CDKAL1: variants seen among roughly 807,000 people sequenced by gnomAD.
The protein encoded by CDKAL1 is CDKAL1 threonylcarbamoyladenosine tRNA methylthiotransferase.
CDKAL1 carries 32 observed loss-of-function variants against 68.2 expected under a neutral mutation model. That is an observed-to-expected ratio of 0.47 (90% CI 0.35 to 0.63). CDKAL1 has a LOEUF of 0.63. Among genes scored for constraint, CDKAL1 ranks in the 30% least tolerant of loss-of-function variants. The pLI, the probability that CDKAL1 is intolerant of heterozygous loss-of-function variation, is 0.00. For synonymous variants in CDKAL1, 234 were observed against 244.3 expected, an observed-to-expected ratio of 0.96 and a Z score of 0.39; for missense variants, 606 against 696.7, an observed-to-expected ratio of 0.87 and a Z score of 1.47.
chr6:20,614,578 G>A (rs535315193), intron 4 of CDKAL1, among the ~76,000 whole-genome samples: 134 of 152,108 alleles, frequency 8.8e-4, no homozygotes, highest in African/African-American at 3.2e-3. Context: ...AAGTTCAAAC[G>A]TACCCACAAG....
At chr6:21,067,468 C>T (rs888577939) in intron 12 of CDKAL1, among the ~76,000 whole-genome samples, 11 of 152,116 alleles carry the variant, frequency 7.2e-5, no homozygotes, top group Admixed American at 2.6e-4. Context: ...GATTATTAGC[C>T]GGGCGTGGTG....
intron 2 of CDKAL1, among the ~76,000 whole-genome samples, chr6:20,537,177 G>C (rs969959289): frequency 6.6e-6 from 1 of 152,144 alleles, no homozygotes; most frequent in Non-Finnish European, 1.5e-5. Context: ...GTTGAAGATT[G>C]AGAACCATTA....
At chr6:21,090,819 T>TC (rs1178214393) in intron 12 of CDKAL1, among the ~76,000 whole-genome samples, 2 of 150,814 alleles carry the variant, frequency 1.3e-5, no homozygotes, top group East Asian at 3.9e-4. Context: ...TTTTTTTTTT[T>TC]TTGAGACAGA....
At chr6:20,873,839 C>T (rs1760348550) in intron 9 of CDKAL1, among the ~76,000 whole-genome samples, 1 of 152,134 alleles carries the variant, frequency 6.6e-6, no homozygotes, top group South Asian at 2.1e-4. Flanking sequence ...CTCTTAACTT[C>T]CAAGAGGTCC....
intron 9 of CDKAL1, among the ~76,000 whole-genome samples, chr6:20,872,145 A>G (rs1351883780): frequency 1.3e-5 from 2 of 152,220 alleles, no homozygotes; most frequent in Admixed American, 6.5e-5. Context: ...ATAACCAACA[A>G]CTTGTATTAT....
chr6:20,706,468 C>T (rs1264832014), intron 5 of CDKAL1, among the ~76,000 whole-genome samples: 1 of 152,194 alleles, frequency 6.6e-6, no homozygotes, highest in East Asian at 1.9e-4. Context: ...TAAACTACTA[C>T]AATCCAGACT....
At chr6:20,952,134 A>AT (rs1764562667) in intron 9 of CDKAL1, among the ~76,000 whole-genome samples, 1 of 151,014 alleles carries the variant, frequency 6.6e-6, no homozygotes, top group Non-Finnish European at 1.5e-5. Flanking sequence ...AATTTTTTGT[A>AT]TTTTTAGTAG....
intron 11 of CDKAL1, among the ~76,000 whole-genome samples, chr6:21,038,117 A>C (rs1322478738): frequency 6.6e-6 from 1 of 152,260 alleles, no homozygotes; most frequent in Non-Finnish European, 1.5e-5. Context: ...GGAACATTAA[A>C]AAATACAAGG....
chr6:20,838,854 A>G (rs2150480559), intron 8 of CDKAL1, among the ~76,000 whole-genome samples: 1 of 152,192 alleles, frequency 6.6e-6, no homozygotes, highest in East Asian at 1.9e-4. Context: ...GGGTGCCTGT[A>G]GTCCCAGCTA....
rs149336606 is a variant in CDKAL1, at chr6:21,138,752, A to C, written c.1299+30289A>C. ...CACATCTTTCAATGGCAATTGAAAA[A>C]AAAATACATTACCATAAGACTTAAG... is the stretch of plus-strand genomic sequence containing the variant. On this transcript the variant is annotated intron_variant, in intron 13 of 15. Coordinates refer to ENST00000274695, the MANE Select transcript of CDKAL1 (RefSeq NM_017774.3). 4.6e-5 allele frequency among the ~76,000 whole-genome samples: 7 copies of C among 152,314 alleles called. No homozygotes were observed. In the East Asian group the frequency reaches 9.6e-4, roughly 21 times the overall value.
chr6:20,773,200 C>G (rs1321340877), intron 7 of CDKAL1: 2 of 152,096 alleles, frequency 1.3e-5, no homozygotes, highest in Non-Finnish European at 2.9e-5. Flanking sequence ...TCCATTTAAC[C>G]CAGTTTCTGT....
At chr6:20,822,597 G>T (rs1242158022) in intron 8 of CDKAL1, among the ~76,000 whole-genome samples, 2 of 152,122 alleles carry the variant, frequency 1.3e-5, no homozygotes, top group Non-Finnish European at 2.9e-5. Context: ...TGTAATTCCT[G>T]TAATCCGCAT....
chr6:20,935,531 A>G (rs925625294), intron 9 of CDKAL1, among the ~76,000 whole-genome samples: 6 of 151,190 alleles, frequency 4.0e-5, no homozygotes, highest in African/African-American at 1.5e-4. Context: ...TGGGTTCAAG[A>G]GATTCTTGCG....
At chr6:21,014,637 G>A (rs1455216326) in intron 11 of CDKAL1, among the ~76,000 whole-genome samples, 1 of 150,536 alleles carries the variant, frequency 6.6e-6, no homozygotes, top group African/African-American at 2.4e-5. Flanking sequence ...AAGTTCTCAT[G>A]TTGTAGGGTA....
intron 9 of CDKAL1, among the ~76,000 whole-genome samples, chr6:20,855,570 C>A (rs1759292954): frequency 6.7e-6 from 1 of 150,374 alleles, no homozygotes; most frequent in African/African-American, 2.4e-5. Flanking sequence ...ATCTGGTCTA[C>A]TTCCAGATTC....
At chr6:20,786,413 A>G (rs1046532861) in intron 8 of CDKAL1, among the ~76,000 whole-genome samples, 6 of 151,934 alleles carry the variant, frequency 3.9e-5, no homozygotes, top group Admixed American at 3.9e-4. Flanking sequence ...CAACATGTGC[A>G]TGAATGGAAG....
chr6:21,108,352 C>T (rs772149317), intron 12 of CDKAL1, 49 bp from the exon 13 acceptor site: 2 of 1,283,452 alleles, frequency 1.6e-6, no homozygotes, highest in Admixed American at 1.8e-5. Context: ...CTGCTGTCAA[C>T]TCAATTGTTT....
chr6:20,933,200 C>A (rs559600257), intron 9 of CDKAL1, among the ~76,000 whole-genome samples: 1 of 152,364 alleles, frequency 6.6e-6, no homozygotes, highest in Admixed American at 6.5e-5. Context: ...AGAGAATCAT[C>A]TCCTTTCTGA....
rs547923386 is a variant in CDKAL1 at position 21,093,694 on chromosome 6, CTTTTTTTTTTTTTTTT to C, written c.1237-14682_1237-14667del. The stretch of plus-strand genomic sequence containing the variant: ...ATAACCAACTGAGCTGCTGCTGCTG[CTTTTTTTTTTTTTTTT>C]TTTTTTTTTTTTTTTTTTTTTTTTG... On this transcript the variant is annotated intron_variant, in intron 12 of 15. Coordinates refer to ENST00000274695, the MANE Select transcript of CDKAL1 (RefSeq NM_017774.3). 6.4e-3 allele frequency among the ~76,000 whole-genome samples: 561 copies of C among 87,970 alleles called. 21 individuals carry two copies. The highest frequency in any genetic ancestry group is 9.8e-3 in the Admixed American group (76 of 7,748). The allele number at this position is 87,970 out of a possible 152,430, so 57.7% of individuals were successfully genotyped here.
Sources: allele counts gnomAD v4.1 joint callset (sites outside exome capture counted in the v4.1 genomes callset), GRCh38; gene constraint gnomAD v4.1.1; transcripts MANE v1.5; gene names NCBI Gene and HGNC (gene_info 2026-07-23, HGNC 2026-07-21).